The following FCHO2 variants were observed in gnomAD, a reference collection of about 807,000 sequenced individuals.
FCHO2 encodes F-BAR domain only protein 2.
FCHO2 carries 43 observed loss-of-function variants against 114.1 expected under a neutral mutation model. The observed-to-expected ratio is 0.38, with a 90% confidence interval of 0.30 to 0.49. The LOEUF is 0.49. Among genes scored for constraint, FCHO2 ranks in the 20% least tolerant of loss-of-function variants. The pLI, the probability that FCHO2 is intolerant of heterozygous loss-of-function variation, is 0.97. For synonymous variants in FCHO2, 293 were observed against 315.2 expected, an observed-to-expected ratio of 0.93 and a Z score of 0.75; for missense variants, 807 against 950.4, an observed-to-expected ratio of 0.85 and a Z score of 1.98.
In FCHO2 at chr5:73,088,324, A is replaced by G; in HGVS notation, c.*234A>G. 1.9e-6 allele frequency: 1 copy of G among 520,530 alleles called. No homozygotes were observed. 32.2% of individuals were successfully genotyped at this position (520,530 alleles called of 1,614,324 possible). ...CAATATTCAGGAAGCACATTTATTC[A>G]GATTCTCAGTAAAAATGAAGTTTTT... On this transcript the variant is annotated 3_prime_UTR_variant, in exon 26 of 26. Coordinates refer to ENST00000430046, the MANE Select transcript of FCHO2 (RefSeq NM_138782.3).
rs1412354817 is a variant in FCHO2, at chr5:73,058,415, T to G, written c.1254-18T>G. The G allele has an allele frequency of 6.6e-7, 1 of 1,510,964 alleles. No individual in the cohort carries two copies. Among genetic ancestry groups the G allele is most frequent in the East Asian group, 2.4e-5 (1 of 41,114 alleles). The allele number at this position is 1,510,964 out of a possible 1,614,324, so 93.6% of individuals were successfully genotyped here. On this transcript the variant is annotated intron_variant, in intron 16 of 25. Coordinates refer to ENST00000430046, the MANE Select transcript of FCHO2 (RefSeq NM_138782.3). ...AATATTCTCGTTAAAATTTTTGCTT[T>G]TAAAAATATTATGGTAGAAAAGGAA...
intron 1 of FCHO2, among the ~76,000 whole-genome samples, chr5:72,960,754 A>G (rs1751812402): frequency 6.6e-6 from 1 of 152,192 alleles, no homozygotes; most frequent in African/African-American, 2.4e-5. Flanking sequence ...TTCATAGGTA[A>G]TTATTAATGG....
intron 10 of FCHO2, among the ~76,000 whole-genome samples, chr5:73,039,626 G>C (rs1358950423): frequency 6.6e-6 from 1 of 152,080 alleles, no homozygotes; most frequent in Non-Finnish European, 1.5e-5. Flanking sequence ...ACTTTTAAGT[G>C]GATAGAAAGT....
At chr5:73,068,093 A>G (rs1025529274) in intron 18 of FCHO2, among the ~76,000 whole-genome samples, 25 of 152,206 alleles carry the variant, frequency 1.6e-4, no homozygotes, top group African/African-American at 5.8e-4. Context: ...GCAATATTTA[A>G]GGAGGAAAAT....
chr5:72,985,690 T>C (rs1386490393), intron 2 of FCHO2, among the ~76,000 whole-genome samples: 1 of 152,198 alleles, frequency 6.6e-6, no homozygotes, highest in Non-Finnish European at 1.5e-5. Context: ...CCATTATCTA[T>C]AGTTGAGATG....
At chr5:73,077,612 T>C in intron 21 of FCHO2, 119 bp downstream of exon 21, 2 of 1,076,756 alleles carry the variant, frequency 1.9e-6, no homozygotes, top group Non-Finnish European at 2.5e-6. Flanking sequence ...GGTGGATTGC[T>C]TGAGCCCAGT....
intron 1 of FCHO2, 76 bp downstream of exon 1, chr5:72,956,205 T>TC: frequency 7.1e-7 from 1 of 1,416,316 alleles, no homozygotes; most frequent in Non-Finnish European, 9.5e-7. Flanking sequence ...TGCGTGCGCT[T>TC]CGGGCGGCGG....
intron 5 of FCHO2, among the ~76,000 whole-genome samples, chr5:72,991,586 T>C (rs868397929): frequency 2.0e-5 from 3 of 152,256 alleles, no homozygotes; most frequent in South Asian, 4.1e-4. Flanking sequence ...TGTAGCATTG[T>C]GGTAAACCAC....
intron 8 of FCHO2, among the ~76,000 whole-genome samples, chr5:73,031,118 T>C (rs1756218826): frequency 6.6e-6 from 1 of 152,186 alleles, no homozygotes; most frequent in Non-Finnish European, 1.5e-5. Flanking sequence ...ATTCTCTTTT[T>C]TGTGTTAGCT....
intron 2 of FCHO2, among the ~76,000 whole-genome samples, chr5:72,979,670 C>T (rs1753090498): frequency 1.3e-5 from 2 of 151,928 alleles, no homozygotes; most frequent in African/African-American, 2.4e-5. Context: ...GGATTACAGG[C>T]GTGAGCCACC....
Position 73,052,276 on chromosome 5 carries a change from A to G in FCHO2, c.998-56A>G, listed in dbSNP as rs1362761047. The G allele has an allele frequency of 1.4e-5, 20 of 1,469,722 alleles. 1 individual carries two copies. In the Admixed American group the frequency reaches 3.9e-4, roughly 29 times the overall value. 91.0% of individuals were successfully genotyped at this position (1,469,722 alleles called of 1,614,324 possible). ...ATTCCTTTTTTAAAATAAATGTGTGAAAAACTGGTTATACGTCTAAGGTAA... is the reference window on the plus strand; with the variant it reads ...ATTCCTTTTTTAAAATAAATGTGTGGAAAACTGGTTATACGTCTAAGGTAA... On this transcript the variant is annotated intron_variant, in intron 12 of 25. Coordinates refer to ENST00000430046, the MANE Select transcript of FCHO2 (RefSeq NM_138782.3).
At chr5:72,997,908 A>C (rs1016429177) in intron 5 of FCHO2, among the ~76,000 whole-genome samples, 4 of 152,240 alleles carry the variant, frequency 2.6e-5, no homozygotes, top group African/African-American at 9.6e-5. Flanking sequence ...GAGGCCTAGG[A>C]GAACTAAAAC....
chr5:72,991,866 A>G (rs1753832007), intron 5 of FCHO2, among the ~76,000 whole-genome samples: 1 of 152,224 alleles, frequency 6.6e-6, no homozygotes, highest in South Asian at 2.1e-4. Flanking sequence ...TTGATGAAGC[A>G]TATTAAACGG....
At chr5:73,023,945 A>G (rs1400004565) in intron 8 of FCHO2, among the ~76,000 whole-genome samples, 1 of 152,234 alleles carries the variant, frequency 6.6e-6, no homozygotes, top group Non-Finnish European at 1.5e-5. Context: ...ATATACAGTT[A>G]TTATAAATTC....
At chr5:72,976,077 T>C (rs562400271) in intron 2 of FCHO2, among the ~76,000 whole-genome samples, 1 of 152,332 alleles carries the variant, frequency 6.6e-6, no homozygotes, top group South Asian at 2.1e-4. Flanking sequence ...CAATACCATT[T>C]TGCATTTTAA....
At chr5:72,973,427 T>C (rs1752679840) in intron 2 of FCHO2, among the ~76,000 whole-genome samples, 1 of 152,160 alleles carries the variant, frequency 6.6e-6, no homozygotes, top group Non-Finnish European at 1.5e-5. Flanking sequence ...TGGTTTAGTC[T>C]TGGGAGAGTG....
chr5:72,970,713 A>G (rs1202712726), intron 2 of FCHO2, among the ~76,000 whole-genome samples: 2 of 147,300 alleles, frequency 1.4e-5, no homozygotes, highest in African/African-American at 2.5e-5. Context: ...ATTTTTTATT[A>G]TTATACTTTA....
At chr5:73,019,324 T>G (rs1398088794) in intron 8 of FCHO2, among the ~76,000 whole-genome samples, 1 of 152,110 alleles carries the variant, frequency 6.6e-6, no homozygotes, top group Non-Finnish European at 1.5e-5. Context: ...GGCAGGAGGA[T>G]CACCTGAGGT....
intron 19 of FCHO2, among the ~76,000 whole-genome samples, chr5:73,070,249 T>C (rs1742569274): frequency 6.6e-6 from 1 of 152,104 alleles, no homozygotes; most frequent in Non-Finnish European, 1.5e-5. Flanking sequence ...ATGCAACTAG[T>C]GTGTGGCCAT....
Sources: allele counts gnomAD v4.1 joint callset (sites outside exome capture counted in the v4.1 genomes callset), GRCh38; gene constraint gnomAD v4.1.1; transcripts MANE v1.5; gene names NCBI Gene and HGNC (gene_info 2026-07-23, HGNC 2026-07-21).